The following ARL10 variants were observed in gnomAD, a reference collection of about 807,000 sequenced individuals.
ARL10 encodes the protein ADP-ribosylation factor-like protein 10.
Under a neutral mutation model 26.1 loss-of-function variants are expected in ARL10, and 23 were observed. The observed-to-expected ratio is 0.88, with a 90% CI of 0.63 to 1.25. The LOEUF (loss-of-function observed/expected upper bound fraction) is 1.25, where lower values mean the gene tolerates loss of function less well. Among genes scored for constraint, ARL10 ranks in the 50% most tolerant of loss-of-function variants. The pLI, the probability that ARL10 is intolerant of heterozygous loss-of-function variation, is 0.00. For missense variants in ARL10, 300 were observed against 323.6 expected (o/e 0.93, Z 0.56); for synonymous variants, 138 against 149.1 (o/e 0.93, Z 0.54).
downstream of ARL10, chr5:176,389,488 T>A (rs1756173770): frequency 6.2e-7 from 1 of 1,613,302 alleles, no homozygotes; most frequent in Non-Finnish European, 8.5e-7. Context: ...CTATGAAGTC[T>A]CGACCCTAAG....
chr5:176,405,489 CAAAAAAAAAAA>C (rs988554368), downstream of ARL10: 2 of 52,240 alleles, frequency 3.8e-5, no homozygotes, highest in African/African-American at 1.7e-4. Flanking sequence ...CCCTGTCTCT[CAAAAAAAAAAA>C]AAAAAAAAGA....
chr5:176,385,340 G>C, downstream of ARL10: 1 of 1,422,978 alleles, frequency 7.0e-7, no homozygotes, highest in Non-Finnish European at 9.9e-7. Context: ...GGAGTGATGA[G>C]AGAAGCGGGG....
At position 176,368,965 on chromosome 5, in the gene ARL10, G is replaced by A. The variant is rs749511943; in HGVS notation, c.544G>A (p.Val182Met). Residue 182 changes from valine to methionine, a missense_variant, in exon 3 of 4, where the codon GTG becomes ATG. Val to Met is a conservative substitution (Grantham distance 21). Transcript: ENST00000310389. This position sits in a 1 kb window ranked among gnomAD's most constrained non-coding sequence, Gnocchi z 4.1. ...CAAGGACCCTGACCTGCCTGTCGTC[G>A]TGGTGGCCAACAAGCAGGTGAGGGC... Reference protein sequence around the residue: ...LDKDPDLPVVVVANKQDLSEA... With the variant: ...LDKDPDLPVVMVANKQDLSEA... 5 of 1,613,974 alleles carry A rather than the reference G, an allele frequency of 3.1e-6. No individual in the cohort carries two copies. The highest frequency in any genetic ancestry group is 3.4e-6 in the Non-Finnish European group (4 of 1,179,988).
At chr5:176,396,408 G>T in intron 1 of ARL10, 1 of 1,328,458 alleles carries the variant, frequency 7.5e-7, no homozygotes, top group South Asian at 1.2e-5. Flanking sequence ...CCCACAAGCA[G>T]GAAACTCAAG....
In ARL10 at chr5:176,371,825, C is replaced by T; in HGVS notation, c.665C>T (p.Pro222Leu). ...EVFLLAASIAPAGPTFEEPGT... is the reference protein window; with the variant it reads ...EVFLLAASIALAGPTFEEPGT... ...TTCCTCTTGGCAGCCAGCATTGCCC[C>T]TGCAGGACCCACCTTTGAAGAGCCT... The change falls in exon 4 of 4, where the codon CCT (proline) becomes CTT (leucine). Residue 222 changes from proline (P) to leucine (L), a missense_variant. Coordinates refer to ENST00000310389, the MANE Select transcript of ARL10 (RefSeq NM_173664.6). 1 of 1,614,216 alleles carries T rather than the reference C, an allele frequency of 6.2e-7. No homozygotes were observed. Among genetic ancestry groups the T allele is most frequent in the South Asian group, 1.1e-5 (1 of 91,082 alleles).
At chr5:176,370,666 T>C (rs1481259404) in intron 3 of ARL10, among the ~76,000 whole-genome samples, 1 of 152,196 alleles carries the variant, frequency 6.6e-6, no homozygotes, top group East Asian at 1.9e-4. Context: ...AATCACATCA[T>C]GTCCTATTTA....
intron 1 of ARL10, among the ~76,000 whole-genome samples, chr5:176,400,801 C>T (rs1004270550): frequency 3.3e-5 from 5 of 152,226 alleles, no homozygotes; most frequent in East Asian, 3.8e-4. Context: ...TGTCCTACGG[C>T]GCCCACCTAT....
chr5:176,396,614 G>T, intron 1 of ARL10: 1 of 980,296 alleles, frequency 1.0e-6, no homozygotes, highest in Non-Finnish European at 1.6e-6. Context: ...GTTAGAGAGA[G>T]AGAGAGAGAC....
downstream of ARL10, chr5:176,406,600 G>A: frequency 3.9e-6 from 5 of 1,289,368 alleles, no homozygotes; most frequent in Non-Finnish European, 5.1e-6. Context: ...GGGCCCTTCT[G>A]TCCCTGCCCC....
rs74602673 is a variant in ARL10 at position 176,395,365 on chromosome 5, C to T, written c.134-6376C>T. Among the ~76,000 whole-genome samples the T allele has an allele frequency of 9.4e-3, 1,432 of 152,278 alleles. 23 individuals carry two copies. Among genetic ancestry groups the T allele is most frequent in the African/African-American group, 0.033 (1,363 of 41,540 alleles). ...CATAACACACTCCAGACCATGAGCA[C>T]GGTGAGGGGGGCGGCCTGTGGGTGT... On this transcript the variant is annotated intron_variant, in intron 1 of 1. Transcript: ENST00000514533.
downstream of ARL10, among the ~76,000 whole-genome samples, chr5:176,391,012 G>C (rs916520637): frequency 2.6e-5 from 4 of 152,134 alleles, no homozygotes; most frequent in Non-Finnish European, 5.9e-5. Context: ...CGCTCTTCCC[G>C]AGTGATTGTA....
At chr5:176,399,877 CAAA>C (rs750656977) in intron 1 of ARL10, among the ~76,000 whole-genome samples, 7 of 108,830 alleles carry the variant, frequency 6.4e-5, no homozygotes, top group Admixed American at 9.5e-5. Flanking sequence ...GACTTGGTCT[CAAA>C]AAAAAAAAAA....
downstream of ARL10, chr5:176,385,134 T>G: frequency 1.2e-6 from 1 of 802,986 alleles, no homozygotes; most frequent in Non-Finnish European, 2.3e-6. Context: ...GCACTCGGTT[T>G]CAGGAAACAG....
At chr5:176,384,427 C>T (rs1755667734), downstream of ARL10, 4 of 1,550,218 alleles carry the variant, frequency 2.6e-6, no homozygotes, top group African/African-American at 1.4e-5. Context: ...AGGCTCAAAT[C>T]TGAACTCATC....
At position 176,378,883 on chromosome 5, in the gene ARL10, ACT is replaced by A. The variant is rs1755482991; in HGVS notation, c.*6991_*6992del. ...ACTCCAGCCTGGGCAACAGAGCGAG[ACT>A]CTGTCTCAAAAAAAAAAAAAAAAAA... On this transcript the variant is annotated 3_prime_UTR_variant, in exon 4 of 4. Transcript: ENST00000310389. 7.3e-6 allele frequency: 1 copy of A among 137,246 alleles called. No individual in the cohort carries two copies. Among genetic ancestry groups the A allele is most frequent in the Admixed American group, 8.0e-5 (1 of 12,578 alleles). 8.5% of individuals were successfully genotyped at this position (137,246 alleles called of 1,614,324 possible). A position where few individuals can be genotyped will look rare whatever the true frequency, so the allele number is the denominator to read the frequency against.
In ARL10 at chr5:176,372,906, C is replaced by T. The variant is rs1206904699; in HGVS notation, c.*1011C>T. ...GAAAATTTGGAACTTAGGAAAATAG[C>T]TGGAATCATGAATGACAATGAGATA... On this transcript the variant is annotated 3_prime_UTR_variant, in exon 4 of 4. Coordinates refer to ENST00000310389, the MANE Select transcript of ARL10 (RefSeq NM_173664.6). 1 of 398,550 alleles carries T rather than the reference C, an allele frequency of 2.5e-6. No homozygotes were observed. Among genetic ancestry groups the T allele is most frequent in the Non-Finnish European group, 4.4e-6 (1 of 226,074 alleles). The allele number at this position is 398,550 out of a possible 1,614,324, so 24.7% of individuals were successfully genotyped here.
rs1018548208 is a variant in ARL10 at position 176,374,851 on chromosome 5, T to C, written c.*2956T>C. 5.3e-5 allele frequency: 8 copies of C among 152,202 alleles called. No homozygotes were observed. Among genetic ancestry groups the C allele is most frequent in the African/African-American group, 1.9e-4 (8 of 41,452 alleles). The allele number at this position is 152,202 out of a possible 1,614,324, so 9.4% of individuals were successfully genotyped here. On this transcript the variant is annotated 3_prime_UTR_variant, in exon 4 of 4. Transcript: ENST00000310389. ...ACCACTAGCTGCTCCTGCAAACACA[T>C]TATGTGTTCCTTTTCCCTGAGAAAT...
At position 176,374,162 on chromosome 5, in the gene ARL10, T is replaced by G. The variant is rs1405912491; in HGVS notation, c.*2267T>G. 6.6e-6 allele frequency: 1 copy of G among 152,186 alleles called. No homozygotes were observed. Among genetic ancestry groups the G allele is most frequent in the East Asian group, 1.9e-4 (1 of 5,202 alleles). 9.4% of individuals were successfully genotyped at this position (152,186 alleles called of 1,614,324 possible). ...GGCTACTTGTTAGAAGAACATACTT[T>G]TAGGTTAGGTTACGAGTTGTTTACA... On this transcript the variant is annotated 3_prime_UTR_variant, in exon 4 of 4. Transcript: ENST00000310389.
chr5:176,406,599 T>C (rs953224523), downstream of ARL10: 4 of 1,289,254 alleles, frequency 3.1e-6, no homozygotes, highest in Middle Eastern at 4.2e-4. Context: ...AGGGCCCTTC[T>C]GTCCCTGCCC....
Sources: allele counts gnomAD v4.1 joint callset (sites outside exome capture counted in the v4.1 genomes callset), GRCh38; gene constraint gnomAD v4.1.1; non-coding constraint Gnocchi (gnomAD v3.1); transcripts MANE v1.5; gene names NCBI Gene and HGNC (gene_info 2026-07-23, HGNC 2026-07-21).